LAMA4: variants seen among roughly 807,000 people sequenced by gnomAD.
LAMA4 encodes the protein laminin subunit alpha 4, also known as laminin subunit alpha-4.
LAMA4 carries 127 observed loss-of-function variants against 207.1 expected under a neutral mutation model. The ratio of observed to expected loss-of-function variants is 0.61; its 90% CI spans 0.53 to 0.71. The LOEUF (loss-of-function observed/expected upper bound fraction) is 0.71, where lower values mean the gene tolerates loss of function less well. Among genes scored for constraint, LAMA4 ranks in the 30% least tolerant of loss-of-function variants. The probability of loss-of-function intolerance (pLI) is 0.00; values close to 1 mark genes in which losing one functional copy is unlikely to be tolerated. For missense variants in LAMA4, 2,093 were observed against 2,246.5 expected (o/e 0.93, Z 1.38); for synonymous variants, 761 against 816.0 (o/e 0.93, Z 1.15).
intron 31 of LAMA4, among the ~76,000 whole-genome samples, chr6:112,126,730 C>T (rs1778712883): frequency 6.6e-6 from 1 of 152,206 alleles, no homozygotes; most frequent in African/African-American, 2.4e-5. Flanking sequence ...GCAATCAGTT[C>T]TTCCCCTGAA....
At chr6:112,142,326 T>A in intron 19 of LAMA4, 34 bp from the exon 20 acceptor site, 1 of 1,608,048 alleles carries the variant, frequency 6.2e-7, no homozygotes, top group Non-Finnish European at 8.5e-7. Flanking sequence ...TAAAAGTGCT[T>A]TGCAGAAATG....
chr6:112,133,702 CA>C (rs1414946922), intron 26 of LAMA4, among the ~76,000 whole-genome samples: 2 of 152,134 alleles, frequency 1.3e-5, no homozygotes, highest in East Asian at 3.9e-4. Context: ...TTACAGTTTT[CA>C]AAATGCTCTA....
chr6:112,218,084 T>A (rs1784729248), intron 2 of LAMA4: 2 of 152,192 alleles, frequency 1.3e-5, no homozygotes, highest in South Asian at 2.1e-4. Flanking sequence ...TAAGAGTATA[T>A]CCTGGTCATG....
At chr6:112,233,321 C>T (rs569482377) in intron 2 of LAMA4, among the ~76,000 whole-genome samples, 1 of 152,308 alleles carries the variant, frequency 6.6e-6, no homozygotes, top group South Asian at 2.1e-4. Context: ...CTATCCAGGG[C>T]CCAGCCCAGG....
chr6:112,121,862 A>G lies in LAMA4; in HGVS notation c.4475+152T>C, dbSNP rs191099898. 84 of 695,178 alleles carry G rather than the reference A, an allele frequency of 1.2e-4. No individual in the cohort carries two copies. In the Admixed American group the frequency reaches 1.8e-3, roughly 15 times the overall value. The allele number at this position is 695,178 out of a possible 1,614,324, so 43.1% of individuals were successfully genotyped here. On this transcript the variant is annotated intron_variant, in intron 32 of 38. Coordinates refer to ENST00000230538, the MANE Select transcript of LAMA4 (RefSeq NM_001105206.3). ...GAATATAATTCTTTTGATAGCATAAATCATGTACTATTTAGTGTTTATTTT... is the reference window on the plus strand; with the variant it reads ...GAATATAATTCTTTTGATAGCATAAGTCATGTACTATTTAGTGTTTATTTT...
At chr6:112,136,001 T>G in intron 25 of LAMA4, 122 bp downstream of exon 25, 1 of 866,794 alleles carries the variant, frequency 1.2e-6, no homozygotes, top group South Asian at 1.4e-5. Flanking sequence ...CAGTTGCTCT[T>G]TAGATATGAA....
rs76190642 is a variant in LAMA4, at chr6:112,233,174, G to C, written c.196-16705C>G. On this transcript the variant is annotated intron_variant, in intron 2 of 38. Coordinates refer to ENST00000230538, the MANE Select transcript of LAMA4 (RefSeq NM_001105206.3). ...TTGATGTCACGCCAAATGCTATCTT[G>C]ACTTGTTCTTCAGAATTACACAACA... Among the ~76,000 whole-genome samples, 1,030 of 152,278 alleles carry C rather than the reference G, an allele frequency of 6.8e-3. 12 individuals carry two copies. Among genetic ancestry groups the C allele is most frequent in the Non-Finnish European group, 0.011 (771 of 68,022 alleles).
rs375004228 is a variant in LAMA4, at chr6:112,142,307, C to T, written c.2494-15G>A. The T allele has an allele frequency of 2.9e-5, 46 of 1,613,574 alleles. No individual in the cohort carries two copies. Among genetic ancestry groups the T allele is most frequent in the South Asian group, 2.3e-4 (21 of 91,068 alleles). On this transcript the variant is annotated splice_polypyrimidine_tract_variant and intron_variant, in intron 19 of 38. Transcript: ENST00000230538. ...GAGACTTGGATCTGGAGTGACACAA[C>T]GGTTTCATTAAAAGTGCTTTGCAGA...
intron 38 of LAMA4, among the ~76,000 whole-genome samples, chr6:112,110,150 T>C (rs1401407639): frequency 1.3e-5 from 2 of 152,256 alleles, no homozygotes; most frequent in Non-Finnish European, 2.9e-5. Context: ...GATAACTCGC[T>C]TAGTCTTTGT....
chr6:112,207,271 C>T (rs374133644), intron 3 of LAMA4, 126 bp from the exon 4 acceptor site: 23 of 1,017,726 alleles, frequency 2.3e-5, no homozygotes, highest in African/African-American at 2.2e-4. Flanking sequence ...AGACTGTATG[C>T]GGCAGTACAG....
intron 38 of LAMA4, among the ~76,000 whole-genome samples, chr6:112,111,292 C>T (rs971111922): frequency 6.6e-6 from 1 of 152,202 alleles, no homozygotes; most frequent in Admixed American, 6.5e-5. Context: ...GATCCACCCA[C>T]CTTGGCCTCC....
intron 10 of LAMA4, 150 bp from the exon 11 acceptor site, chr6:112,175,630 T>C: frequency 1.3e-6 from 1 of 781,086 alleles, no homozygotes; most frequent in Non-Finnish European, 2.2e-6. Flanking sequence ...GTGTTCATGC[T>C]GTGAATCCCA....
intron 38 of LAMA4, among the ~76,000 whole-genome samples, chr6:112,112,580 C>A (rs1007816612): frequency 6.6e-6 from 1 of 152,252 alleles, no homozygotes; most frequent in Middle Eastern, 3.4e-3. Context: ...GCAGTGCTGG[C>A]CTTTGCCAGA....
intron 13 of LAMA4, among the ~76,000 whole-genome samples, chr6:112,159,853 A>G (rs1780947501): frequency 6.6e-6 from 1 of 152,150 alleles, no homozygotes; most frequent in Non-Finnish European, 1.5e-5. Flanking sequence ...GAATAACTCT[A>G]TAGGCTCTGC....
At position 112,165,184 on chromosome 6, in the gene LAMA4, A is replaced by G. The variant is rs782453212; in HGVS notation, c.1644T>C (p.Leu548=). The change falls in exon 13 of 39, where the codon CTT becomes CTC. Residue 548 remains leucine, a synonymous_variant. Coordinates refer to ENST00000230538, the MANE Select transcript of LAMA4 (RefSeq NM_001105206.3). Reference sequence around the variant, plus strand: ...CCTTTATTATATCATCAAGTTCTGAAAGAGTTAGACGAGGTGTTGTCAGAG... The same window carrying G: ...CCTTTATTATATCATCAAGTTCTGAGAGAGTTAGACGAGGTGTTGTCAGAG... ...ADSLTTPRLT[L]SELDDIIKNA... The G allele has an allele frequency of 6.2e-7, 1 of 1,609,846 alleles. No individual in the cohort carries two copies. Among genetic ancestry groups the G allele is most frequent in the Non-Finnish European group, 8.5e-7 (1 of 1,176,108 alleles).
chr6:112,232,153 A>G (rs782778361), intron 2 of LAMA4, among the ~76,000 whole-genome samples: 6 of 152,222 alleles, frequency 3.9e-5, no homozygotes, highest in Non-Finnish European at 5.9e-5. Flanking sequence ...GGCCATTTCC[A>G]AATAGTTCAT....
intron 3 of LAMA4, among the ~76,000 whole-genome samples, chr6:112,216,037 C>A (rs973505529): frequency 2.0e-5 from 3 of 152,212 alleles, no homozygotes; most frequent in Non-Finnish European, 4.4e-5. Flanking sequence ...GCAAACTATA[C>A]GATTACAGAG....
At chr6:112,150,457 A>G (rs1044067430) in intron 17 of LAMA4, 54 bp downstream of exon 17, 21 of 1,064,346 alleles carry the variant, frequency 2.0e-5, no homozygotes, top group Non-Finnish European at 3.0e-5. Flanking sequence ...TTGAAGGTTT[A>G]CCTTACACTC....
chr6:112,221,900 C>T (rs1784945654), intron 2 of LAMA4, among the ~76,000 whole-genome samples: 1 of 152,146 alleles, frequency 6.6e-6, no homozygotes. Context: ...CTTCTGAGAA[C>T]ATATGAATAT....
Sources: gnomAD v4.1 joint callset for allele counts (sites outside exome capture counted in the v4.1 genomes callset) on GRCh38, gnomAD v4.1.1 for gene constraint, MANE v1.5 for transcripts, NCBI Gene and HGNC (gene_info 2026-07-23, HGNC 2026-07-21) for gene names.